CEMIP2: variants seen among roughly 807,000 people sequenced by gnomAD.
CEMIP2 encodes the protein cell migration inducing hyaluronidase 2.
A neutral mutation model predicts 146.9 loss-of-function variants in CEMIP2; 79 were observed. That is an observed-to-expected ratio of 0.54 (90% CI 0.45 to 0.65). The LOEUF is 0.65. CEMIP2 is among the 30% of genes least tolerant of loss of function. The probability of loss-of-function intolerance (pLI) is 0.00; values close to 1 mark genes in which losing one functional copy is unlikely to be tolerated. For synonymous variants in CEMIP2, 601 were observed against 606.3 expected (o/e 0.99, Z 0.13); for missense variants, 1,596 against 1,696.2 (o/e 0.94, Z 1.04).
Position 71,745,047 on chromosome 9 carries a change from T to C in CEMIP2, c.1005A>G (p.Gly335=). 6.2e-7 allele frequency: 1 copy of C among 1,614,054 alleles called. No individual in the cohort carries two copies. The highest frequency in any genetic ancestry group is 1.1e-5 in the South Asian group (1 of 91,088). ...GTIQMIQERL[G]SELIQGLGYR... ...AGCCCAGTCCTTGGATCAGTTCACT[T>C]CCCAACCGTTCCTGGATCATCTGGA... is the stretch of plus-strand genomic sequence containing the variant. The change falls in exon 4 of 24, where the codon GGA becomes GGG. Residue 335 remains glycine (G), a synonymous_variant. Transcript: ENST00000377044.
intron 20 of CEMIP2, chr9:71,697,742 C>A: frequency 2.2e-6 from 1 of 453,764 alleles, no homozygotes; most frequent in South Asian, 3.8e-5. Flanking sequence ...TAATTTTAAA[C>A]TGTGGAAAAT....
chr9:71,754,153 G>A (rs1229330315), intron 1 of CEMIP2, among the ~76,000 whole-genome samples: 1 of 151,992 alleles, frequency 6.6e-6, no homozygotes, highest in African/African-American at 2.4e-5. Flanking sequence ...CATAGCACAC[G>A]TATACCTATG....
rs749768292 is a variant in CEMIP2 at position 71,745,239 on chromosome 9, G to T, written c.813C>A (p.Val271=). 1 of 1,613,884 alleles carries T rather than the reference G, an allele frequency of 6.2e-7. No individual in the cohort carries two copies. The highest frequency in any genetic ancestry group is 2.2e-5 in the East Asian group (1 of 44,884). Residue 271 remains valine, a synonymous_variant, in exon 4 of 24, where the codon GTC becomes GTA. Coordinates refer to ENST00000377044, the MANE Select transcript of CEMIP2 (RefSeq NM_013390.3). The part of the protein sequence containing the change: ...KDFSRGLNVR[V]IDQDTAKILE... ...AAATTTTGGCCGTGTCTTGGTCAATGACCCTCACATTGAGGCCCCGGGAAA... is the reference window on the plus strand; with the variant it reads ...AAATTTTGGCCGTGTCTTGGTCAATTACCCTCACATTGAGGCCCCGGGAAA...
At chr9:71,723,524 G>A (rs1430972937) in intron 11 of CEMIP2, among the ~76,000 whole-genome samples, 2 of 152,202 alleles carry the variant, frequency 1.3e-5, no homozygotes, top group African/African-American at 4.8e-5. Context: ...TTCTGTGGGT[G>A]AGGGAATGAA....
At chr9:71,710,778 T>C (rs1425546991) in intron 16 of CEMIP2, among the ~76,000 whole-genome samples, 1 of 152,124 alleles carries the variant, frequency 6.6e-6, no homozygotes, top group African/African-American at 2.4e-5. Flanking sequence ...ATCCTGCTGA[T>C]TTATGTGGGT....
At chr9:71,744,280 T>C (rs1589160173) in intron 4 of CEMIP2, among the ~76,000 whole-genome samples, 1 of 151,858 alleles carries the variant, frequency 6.6e-6, no homozygotes, top group Non-Finnish European at 1.5e-5. Context: ...GAGGCTGAGG[T>C]GGAAGTATCA....
At chr9:71,719,238 T>A (rs1589143289) in intron 12 of CEMIP2, among the ~76,000 whole-genome samples, 1 of 152,318 alleles carries the variant, frequency 6.6e-6, no homozygotes. Context: ...CCACAGCTGT[T>A]GGCACACAGT....
intron 23 of CEMIP2, 133 bp from the exon 24 acceptor site, chr9:71,685,526 A>T: frequency 8.8e-7 from 1 of 1,142,112 alleles, no homozygotes; most frequent in Non-Finnish European, 1.2e-6. Flanking sequence ...ACTTCCTTAC[A>T]TCAGCAAATG....
In CEMIP2 at chr9:71,730,890, G is replaced by A. The variant is rs1362572106; in HGVS notation, c.1588C>T (p.His530Tyr). Residue 530 changes from histidine (H) to tyrosine (Y), a missense_variant, in exon 8 of 24, where the codon CAT becomes TAT. His to Tyr is a moderately conservative substitution (Grantham distance 83). Transcript: ENST00000377044. Reference protein sequence around the residue: ...IMIMKNFTSVHLSYVELKHMG... With the variant: ...IMIMKNFTSVYLSYVELKHMG... ...TGTTTCAATTCCACATAAGAAAGAT[G>A]GACTGAAGTAAAATTTTTCATTATC... is the stretch of plus-strand genomic sequence containing the variant. The A allele has an allele frequency of 8.1e-6, 13 of 1,613,656 alleles. No homozygotes were observed. The highest frequency in any genetic ancestry group is 1.1e-5 in the Non-Finnish European group (13 of 1,179,914).
chr9:71,704,548 A>C lies in CEMIP2; in HGVS notation c.3194+47T>G, dbSNP rs1213654429. ...CATAAGTTATTCTTTTTCTCCACTA[A>C]ATTACTACTTGCTCAACTATTTGAA... On this transcript the variant is annotated intron_variant, in intron 18 of 23. Coordinates refer to ENST00000377044, the MANE Select transcript of CEMIP2 (RefSeq NM_013390.3). The C allele has an allele frequency of 5.6e-6, 9 of 1,601,662 alleles. No individual in the cohort carries two copies. The South Asian group carries it at 8.8e-5, about 16-fold the overall frequency.
At chr9:71,714,390 C>G (rs986618255) in intron 15 of CEMIP2, among the ~76,000 whole-genome samples, 10 of 68,224 alleles carry the variant, frequency 1.5e-4, no homozygotes, top group African/African-American at 4.1e-4. Context: ...AGAAAACATG[C>G]CAAGAGCCTA....
At chr9:71,699,897 A>G (rs1167718663) in intron 19 of CEMIP2, among the ~76,000 whole-genome samples, 7 of 152,214 alleles carry the variant, frequency 4.6e-5, no homozygotes, top group African/African-American at 1.4e-4. Flanking sequence ...AGAGCATTCA[A>G]CCTTTCCTTC....
chr9:71,731,306 A>G (rs188574614), intron 7 of CEMIP2, among the ~76,000 whole-genome samples: 127 of 152,352 alleles, frequency 8.3e-4, no homozygotes, highest in African/African-American at 2.8e-3. Flanking sequence ...TTTAGTTAGC[A>G]CATAATATTG....
intron 15 of CEMIP2, among the ~76,000 whole-genome samples, chr9:71,713,961 T>C (rs1267688502): frequency 1.3e-5 from 2 of 151,020 alleles, no homozygotes; most frequent in African/African-American, 4.9e-5. Flanking sequence ...CTAACACGAG[T>C]TCCACACAGA....
intron 1 of CEMIP2, 58 bp from the exon 2 acceptor site, chr9:71,750,443 T>G: frequency 8.5e-7 from 1 of 1,178,004 alleles, no homozygotes; most frequent in Non-Finnish European, 1.2e-6. Flanking sequence ...TTAATTTCTT[T>G]TATTTATTTA....
chr9:71,700,706 G>A lies in CEMIP2; in HGVS notation c.3313C>T (p.His1105Tyr). ...LSKIEEYEPV[H>Y]SLEELQRKQS... ...TTTCTTTGCAGTTCTTCCAGTGAAT[G>A]CACAGGCTCATATTCTTCGATTTTG... Residue 1105 changes from histidine (H) to tyrosine (Y), a missense_variant, in exon 19 of 24, where the codon CAT becomes TAT. Coordinates refer to ENST00000377044, the MANE Select transcript of CEMIP2 (RefSeq NM_013390.3). The A allele has an allele frequency of 1.2e-6, 2 of 1,613,294 alleles. No individual in the cohort carries two copies. Among genetic ancestry groups the A allele is most frequent in the Non-Finnish European group, 1.7e-6 (2 of 1,179,762 alleles).
chr9:71,760,416 G>GAGCAACCAA (rs1246399966), intron 1 of CEMIP2, among the ~76,000 whole-genome samples: 1 of 143,738 alleles, frequency 7.0e-6, no homozygotes, highest in Non-Finnish European at 1.6e-5. Flanking sequence ...TTCTTAAAGT[G>GAGCAACCAA]AAATAAATGA....
intron 6 of CEMIP2, among the ~76,000 whole-genome samples, chr9:71,734,184 C>A (rs1370569072): frequency 6.6e-6 from 1 of 151,260 alleles, no homozygotes; most frequent in Non-Finnish European, 1.5e-5. Context: ...TATCTGATTC[C>A]ATTTTAAATA....
chr9:71,686,357 T>G, intron 22 of CEMIP2: 1 of 167,806 alleles, frequency 6.0e-6, no homozygotes. Context: ...GATCTGTTGA[T>G]CATCACCCCC....
Sources: allele counts gnomAD v4.1 joint callset (sites outside exome capture counted in the v4.1 genomes callset), GRCh38; gene constraint gnomAD v4.1.1; transcripts MANE v1.5; gene names NCBI Gene and HGNC (gene_info 2026-07-23, HGNC 2026-07-21).